GABRB2: variants seen among roughly 807,000 people sequenced by gnomAD.
GABRB2 encodes gamma-aminobutyric acid receptor subunit beta-2.
In GABRB2, 16 loss-of-function variants were observed where a neutral mutation model predicts 54.7. The observed-to-expected ratio is 0.29, with a 90% CI of 0.20 to 0.44. The LOEUF is 0.44. GABRB2 is among the 20% of genes least tolerant of loss of function. The pLI, the probability that GABRB2 is intolerant of heterozygous loss-of-function variation, is 1.00. For synonymous variants in GABRB2, 244 were observed against 233.8 expected (o/e 1.04, Z -0.40); for missense variants, 355 against 644.0 (o/e 0.55, Z 4.86).
intron 3 of GABRB2, among the ~76,000 whole-genome samples, chr5:161,523,104 G>A (rs974273689): frequency 6.6e-6 from 1 of 151,386 alleles, no homozygotes; most frequent in African/African-American, 2.4e-5. Context: ...TATTCATATG[G>A]AGGAGAAAAG....
chr5:161,373,436 T>G (rs1038004610), intron 5 of GABRB2, among the ~76,000 whole-genome samples: 4 of 152,178 alleles, frequency 2.6e-5, no homozygotes, highest in African/African-American at 7.2e-5. Context: ...ACCATGCTCT[T>G]TTGGGGCTCA....
intron 3 of GABRB2, 124 bp from the exon 4 acceptor site, chr5:161,459,968 A>C: frequency 3.3e-6 from 2 of 600,692 alleles, no homozygotes; most frequent in Non-Finnish European, 2.8e-6. Flanking sequence ...TTTTTGAGAC[A>C]GGGTCTCACT....
intron 3 of GABRB2, among the ~76,000 whole-genome samples, chr5:161,534,268 T>C (rs1223439721): frequency 1.3e-5 from 2 of 152,132 alleles, no homozygotes; most frequent in African/African-American, 4.8e-5. Context: ...CAGTTAAACA[T>C]CTTACAATGC....
chr5:161,443,976 C>T (rs1757540995), intron 4 of GABRB2, among the ~76,000 whole-genome samples: 1 of 152,158 alleles, frequency 6.6e-6, no homozygotes, highest in Admixed American at 6.6e-5. Context: ...CTCATTATCA[C>T]ATCATAAGCC....
intron 5 of GABRB2, among the ~76,000 whole-genome samples, chr5:161,386,564 G>C (rs527303514): frequency 1.3e-5 from 2 of 151,770 alleles, no homozygotes; most frequent in African/African-American, 4.8e-5. Flanking sequence ...AAATTTTTTT[G>C]AGACAAGGTC....
chr5:161,519,816 T>C (rs1760059052), intron 3 of GABRB2, among the ~76,000 whole-genome samples: 1 of 152,114 alleles, frequency 6.6e-6, no homozygotes, highest in African/African-American at 2.4e-5. Flanking sequence ...TTACAAGTCA[T>C]TCTGCAGTTT....
chr5:161,345,827 C>G (rs1754306308), intron 5 of GABRB2, among the ~76,000 whole-genome samples: 1 of 152,056 alleles, frequency 6.6e-6, no homozygotes, highest in Non-Finnish European at 1.5e-5. Context: ...AGAACCATGT[C>G]CGGTCCTTCT....
chr5:161,527,913 A>G (rs1341443351), intron 3 of GABRB2, among the ~76,000 whole-genome samples: 2 of 151,774 alleles, frequency 1.3e-5, no homozygotes, highest in Middle Eastern at 3.4e-3. Context: ...ATCAGTGCCT[A>G]AAATATACAT....
chr5:161,364,189 T>A (rs1456901536), intron 5 of GABRB2, among the ~76,000 whole-genome samples: 1 of 152,174 alleles, frequency 6.6e-6, no homozygotes, highest in African/African-American at 2.4e-5. Context: ...GGATTATTTA[T>A]GATTACACAC....
chr5:161,355,914 AT>A lies in GABRB2; in HGVS notation c.542-19146del, dbSNP rs534343747. 1.1e-4 allele frequency among the ~76,000 whole-genome samples: 17 copies of A among 152,284 alleles called. No individual in the cohort carries two copies. The East Asian group carries it at 2.9e-3, about 26-fold the overall frequency. The stretch of plus-strand genomic sequence containing the variant: ...AAGATTTTTATTTATACCAGAAAAA[AT>A]ATCTTACTCAAGAACCAACTTTATT... On this transcript the variant is annotated intron_variant, in intron 5 of 9. Transcript: ENST00000393959.
chr5:161,324,340 T>C (rs943656007), intron 9 of GABRB2, among the ~76,000 whole-genome samples: 1 of 152,152 alleles, frequency 6.6e-6, no homozygotes, highest in African/African-American at 2.4e-5. Flanking sequence ...ATCAGAATAA[T>C]AGTTATAGAA....
Position 161,340,774 on chromosome 5 carries a change from CAT to C in GABRB2, c.542-4007_542-4006del, listed in dbSNP as rs1158226891. Among the ~76,000 whole-genome samples, 3 of 151,746 alleles carry C rather than the reference CAT, an allele frequency of 2.0e-5. No homozygotes were observed. The East Asian group carries it at 5.8e-4, about 29-fold the overall frequency. On this transcript the variant is annotated intron_variant, in intron 5 of 9. Transcript: ENST00000393959. ...AGAATTATTAAAAATAAATGTAAAA[CAT>C]ATTTTATGTCCCATTTTGTGGTTAT...
chr5:161,381,151 A>T (rs1052342459), intron 5 of GABRB2, among the ~76,000 whole-genome samples: 1 of 152,174 alleles, frequency 6.6e-6, no homozygotes, highest in Non-Finnish European at 1.5e-5. Context: ...AAGTTCTAGC[A>T]TTTGCATGTA....
intron 3 of GABRB2, among the ~76,000 whole-genome samples, chr5:161,538,859 T>C (rs974916841): frequency 2.0e-5 from 3 of 152,048 alleles, no homozygotes; most frequent in African/African-American, 7.2e-5. Context: ...AGATAATATA[T>C]TTCATGAGGT....
intron 5 of GABRB2, among the ~76,000 whole-genome samples, chr5:161,363,378 G>A (rs549825366): frequency 2.6e-4 from 39 of 152,058 alleles, no homozygotes; most frequent in South Asian, 4.2e-4. Flanking sequence ...GTGCCTGTTC[G>A]GGGCTGGGGG....
intron 3 of GABRB2, among the ~76,000 whole-genome samples, chr5:161,478,480 C>A (rs1431572220): frequency 3.3e-5 from 5 of 152,006 alleles, no homozygotes; most frequent in African/African-American, 1.2e-4. Context: ...GCCTACAACA[C>A]ATTGGCCAGA....
intron 3 of GABRB2, among the ~76,000 whole-genome samples, chr5:161,515,314 G>A (rs1421683169): frequency 6.6e-6 from 1 of 151,978 alleles, no homozygotes; most frequent in Non-Finnish European, 1.5e-5. Flanking sequence ...GAACTGTTTT[G>A]TTTTCAGCAA....
In GABRB2 at chr5:161,352,476, A is replaced by C. The variant is rs548037321; in HGVS notation, c.542-15707T>G. On this transcript the variant is annotated intron_variant, in intron 5 of 9. Transcript: ENST00000393959. ...AGAACAGAAAGACAAATATTGCATA[A>C]TTTCAATTGTATGTGGAATCTAAAA... Among the ~76,000 whole-genome samples the C allele has an allele frequency of 2.0e-5, 3 of 152,170 alleles. No individual in the cohort carries two copies. In the East Asian group the frequency reaches 5.8e-4, roughly 29 times the overall value.
intron 5 of GABRB2, among the ~76,000 whole-genome samples, chr5:161,396,657 A>C (rs978708883): frequency 2.0e-5 from 3 of 152,274 alleles, no homozygotes; most frequent in Admixed American, 2.0e-4. Context: ...TAAATGAGAG[A>C]GTATCACCAG....
Sources: allele counts gnomAD v4.1 joint callset (sites outside exome capture counted in the v4.1 genomes callset), GRCh38; gene constraint gnomAD v4.1.1; transcripts MANE v1.5; gene names NCBI Gene and HGNC (gene_info 2026-07-23, HGNC 2026-07-21).